Variants in CSN1S1 observed in about 807,000 individuals in gnomAD.
CSN1S1 encodes casein alpha s1, also known as alpha-S1-casein.
A neutral mutation model predicts 49.1 loss-of-function variants in CSN1S1; 63 were observed. That is an observed-to-expected ratio of 1.28 (90% CI 1.05 to 1.58). The LOEUF is 1.58. CSN1S1 is among the 40% of genes most tolerant of loss of function. CSN1S1 has a pLI of 0.00. For missense variants in CSN1S1, 260 were observed against 224.7 expected, an observed-to-expected ratio of 1.16 and a Z score of -1.01; for synonymous variants, 78 against 67.1, an observed-to-expected ratio of 1.16 and a Z score of -0.79.
chr4:69,936,395 T>G lies in CSN1S1; in HGVS notation c.130-61T>G, dbSNP rs1363000545. 5.5e-6 allele frequency: 7 copies of G among 1,262,434 alleles called. No individual in the cohort carries two copies. In the African/African-American group the frequency reaches 7.5e-5, roughly 13 times the overall value. 78.2% of individuals were successfully genotyped at this position (1,262,434 alleles called of 1,614,324 possible). A position where few individuals can be genotyped will look rare whatever the true frequency, so the allele number is the denominator to read the frequency against. On this transcript the variant is annotated intron_variant, in intron 5 of 15. Transcript: ENST00000246891. Reference sequence around the variant, plus strand: ...GATGTGAAGTACAGTTTCTCATAGATTTCCACTCATGTATGTCTTGTTTCA... The same window carrying G: ...GATGTGAAGTACAGTTTCTCATAGAGTTCCACTCATGTATGTCTTGTTTCA...
In CSN1S1 at chr4:69,944,911, T is replaced by A. The variant is rs571782838; in HGVS notation, c.464T>A (p.Ile155Asn). Residue 155 changes from isoleucine to asparagine, a missense_variant, in exon 15 of 16, where the codon ATC becomes AAC. Transcript: ENST00000246891. The part of the protein sequence containing the change: ...YPYAVWYYPQ[I>N]MQYVPFPPFS... ...TATGCTGTTTGGTACTATCCACAAA[T>A]CATGCAGTATGTTCCTTTCCCACCG... The A allele has an allele frequency of 6.2e-7, 1 of 1,613,022 alleles. No homozygotes were observed. Among genetic ancestry groups the A allele is most frequent in the Non-Finnish European group, 8.5e-7 (1 of 1,179,284 alleles).
At chr4:69,933,150 G>A (rs1011290702) in intron 2 of CSN1S1, among the ~76,000 whole-genome samples, 14 of 150,840 alleles carry the variant, frequency 9.3e-5, no homozygotes, top group Admixed American at 2.6e-4. Flanking sequence ...ATTTATTGTG[G>A]TCACTGTAGA....
chr4:69,935,364 C>T (rs1044646964), intron 4 of CSN1S1, among the ~76,000 whole-genome samples: 1 of 151,292 alleles, frequency 6.6e-6, no homozygotes, highest in Non-Finnish European at 1.5e-5. Context: ...CATAACCAAA[C>T]CCCGTCTCTA....
intron 14 of CSN1S1, 45 bp downstream of exon 14, chr4:69,942,622 A>C: frequency 6.8e-7 from 1 of 1,462,938 alleles, no homozygotes; most frequent in Non-Finnish European, 9.4e-7. Flanking sequence ...TATTTTGTTA[A>C]GCTTAAATAT....
chr4:69,936,395 T>C, intron 5 of CSN1S1, 61 bp from the exon 6 acceptor site: 5 of 1,262,552 alleles, frequency 4.0e-6, no homozygotes, highest in South Asian at 1.3e-5. Flanking sequence ...TTCTCATAGA[T>C]TTCCACTCAT....
At chr4:69,932,384 G>A (rs1429815415) in intron 1 of CSN1S1, among the ~76,000 whole-genome samples, 160 bp from the exon 2 acceptor site, 2 of 151,876 alleles carry the variant, frequency 1.3e-5, no homozygotes, top group African/African-American at 2.4e-5. Context: ...GAGTAGTAAA[G>A]TTTTTAAAAT....
intron 13 of CSN1S1, among the ~76,000 whole-genome samples, chr4:69,942,312 A>C (rs527644244): frequency 6.6e-6 from 1 of 152,098 alleles, no homozygotes; most frequent in African/African-American, 2.4e-5. Flanking sequence ...AACCTTACTA[A>C]TTGTTTATTT....
intron 4 of CSN1S1, among the ~76,000 whole-genome samples, chr4:69,935,240 T>G (rs901434401): frequency 1.3e-5 from 2 of 152,030 alleles, no homozygotes; most frequent in African/African-American, 4.8e-5. Flanking sequence ...AATTTTTGTT[T>G]ATAAAAATGT....
chr4:69,943,928 T>C (rs541217465), intron 14 of CSN1S1, among the ~76,000 whole-genome samples: 4 of 152,152 alleles, frequency 2.6e-5, no homozygotes, highest in South Asian at 2.1e-4. Flanking sequence ...CACTGTTGTA[T>C]TGCATGTTAA....
rs142141265 is a variant in CSN1S1, at chr4:69,932,517, C to T, written c.-12-27C>T. ...ACAAATTTAACGTAATAATATCTAA[C>T]TCTTTCTTTTTTGTTCTCTTACATA... On this transcript the variant is annotated intron_variant, in intron 1 of 15. Coordinates refer to ENST00000246891, the MANE Select transcript of CSN1S1 (RefSeq NM_001890.2). 12,192 of 1,559,602 alleles carry T rather than the reference C, an allele frequency of 7.8e-3. 57 individuals are homozygous for T. Among genetic ancestry groups the T allele is most frequent in the Non-Finnish European group, 8.8e-3 (10,100 of 1,144,878 alleles).
chr4:69,940,989 G>A (rs969201463), intron 11 of CSN1S1, 30 bp from the exon 12 acceptor site: 1 of 1,266,376 alleles, frequency 7.9e-7, no homozygotes, highest in Non-Finnish European at 1.1e-6. Context: ...TGACATCCAA[G>A]CAATTGAGAA....
At chr4:69,936,524 T>A in intron 6 of CSN1S1, 42 bp from the exon 7 acceptor site, 1 of 1,600,822 alleles carries the variant, frequency 6.2e-7, no homozygotes, top group African/African-American at 1.3e-5. Flanking sequence ...AAGTTTGTTT[T>A]CATGAAAACA....
At position 69,935,976 on chromosome 4, in the gene CSN1S1, G is replaced by A. The variant is rs754546955; in HGVS notation, c.129+27G>A. 3.8e-5 allele frequency: 57 copies of A among 1,517,396 alleles called. No homozygotes were observed. In the Middle Eastern group the frequency reaches 6.8e-4, roughly 18 times the overall value. 94.0% of individuals were successfully genotyped at this position (1,517,396 alleles called of 1,614,324 possible). A position where few individuals can be genotyped will look rare whatever the true frequency, so the allele number is the denominator to read the frequency against. On this transcript the variant is annotated intron_variant, in intron 5 of 15. Coordinates refer to ENST00000246891, the MANE Select transcript of CSN1S1 (RefSeq NM_001890.2). ...TAAGAATGACTCCACAGAATTTACC[G>A]TGCAATTAACAAAGAGAAGTAAGTG... is the stretch of plus-strand genomic sequence containing the variant.
rs1178286895 is a variant in CSN1S1, at chr4:69,936,468, G to A, written c.142G>A (p.Gly48Ser). The change falls in exon 6 of 16, where the codon GGT becomes AGT. Residue 48 changes from glycine to serine, a missense_variant. Transcript: ENST00000246891. ...TTTTATCCCTAAGGAATACATGAATGGTATGAACAGGGTAAGAAACATCAA... is the reference window on the plus strand; with the variant it reads ...TTTTATCCCTAAGGAATACATGAATAGTATGAACAGGGTAAGAAACATCAA... ...PLESREEYMN[G>S]MNRQRNILRE... 9 of 1,562,276 alleles carry A rather than the reference G, an allele frequency of 5.8e-6. No homozygotes were observed. Among genetic ancestry groups the A allele is most frequent in the Admixed American group, 1.7e-5 (1 of 59,090 alleles).
chr4:69,932,969 A>C (rs983396657), intron 2 of CSN1S1, among the ~76,000 whole-genome samples: 3 of 151,990 alleles, frequency 2.0e-5, no homozygotes, highest in African/African-American at 7.2e-5. Flanking sequence ...TATTTCTAAA[A>C]ATGTAATAGT....
rs774783209 is a variant in CSN1S1, at chr4:69,944,804, AG to A, written c.403-45del. ...TTGATATTTTTCAGGGACTGAAAAA[AG>A]CAATTGCTCATACACTGTTGCTTTT... is the stretch of plus-strand genomic sequence containing the variant. On this transcript the variant is annotated intron_variant, in intron 14 of 15. Coordinates refer to ENST00000246891, the MANE Select transcript of CSN1S1 (RefSeq NM_001890.2). The A allele has an allele frequency of 5.3e-5, 83 of 1,580,860 alleles. No individual in the cohort carries two copies. In the African/African-American group the frequency reaches 1.1e-3, roughly 20 times the overall value.
intron 11 of CSN1S1, 67 bp from the exon 12 acceptor site, chr4:69,940,952 A>C: frequency 1.3e-6 from 1 of 780,888 alleles, no homozygotes; most frequent in Non-Finnish European, 2.1e-6. Context: ...TTGTTTCATC[A>C]TATGAAAATG....
intron 14 of CSN1S1, among the ~76,000 whole-genome samples, chr4:69,943,778 A>G (rs1208709892): frequency 2.6e-5 from 4 of 152,030 alleles, no homozygotes; most frequent in African/African-American, 4.8e-5. Context: ...GCAAAAAAGA[A>G]TACACAAGAG....
Position 69,946,327 on chromosome 4 carries a change from A to C in CSN1S1, c.*131A>C, listed in dbSNP as rs554704161. On this transcript the variant is annotated 3_prime_UTR_variant, in exon 16 of 16. Transcript: ENST00000246891. ...TTGTTCTTTTTGAGTTATCTACTTA[A>C]TAGCATATCATTCTTTTTCTTAAGC... 1 of 336,882 alleles carries C rather than the reference A, an allele frequency of 3.0e-6. No individual in the cohort carries two copies. Among genetic ancestry groups the C allele is most frequent in the South Asian group, 1.0e-4 (1 of 9,858 alleles). The allele number at this position is 336,882 out of a possible 1,614,324, so 20.9% of individuals were successfully genotyped here.
Sources: allele counts gnomAD v4.1 joint callset (sites outside exome capture counted in the v4.1 genomes callset), GRCh38; gene constraint gnomAD v4.1.1; transcripts MANE v1.5; gene names NCBI Gene and HGNC (gene_info 2026-07-23, HGNC 2026-07-21).